The following IMMP2L variants were observed in gnomAD, a reference collection of about 807,000 sequenced individuals.
The protein encoded by IMMP2L is mitochondrial inner membrane protease subunit 2.
A neutral mutation model predicts 19.3 loss-of-function variants in IMMP2L; 18 were observed. The ratio of observed to expected loss-of-function variants is 0.93; its 90% CI spans 0.64 to 1.38. IMMP2L has a LOEUF of 1.38. IMMP2L is among the 40% of genes most tolerant of loss of function. The pLI is 0.00. For missense variants in IMMP2L, 233 were observed against 218.2 expected (o/e 1.07, Z -0.43); for synonymous variants, 76 against 73.0 (o/e 1.04, Z -0.21).
chr7:110,729,003 G>A (rs1160457722), intron 5 of IMMP2L, among the ~76,000 whole-genome samples: 1 of 152,134 alleles, frequency 6.6e-6, no homozygotes, highest in Non-Finnish European at 1.5e-5. Flanking sequence ...AGATTCTCCA[G>A]CCTCAGCCCC....
intron 3 of IMMP2L, among the ~76,000 whole-genome samples, chr7:111,242,090 AG>A (rs1247277715): frequency 6.6e-6 from 1 of 152,054 alleles, no homozygotes; most frequent in African/African-American, 2.4e-5. Context: ...TTTTTAATGA[AG>A]GTTAAAATGA....
chr7:111,137,090 G>A (rs1270641705), intron 3 of IMMP2L, among the ~76,000 whole-genome samples: 2 of 152,050 alleles, frequency 1.3e-5, no homozygotes, highest in Non-Finnish European at 1.5e-5. Context: ...AGAGGCTAAC[G>A]ATATATAGTC....
rs1351752529 is a variant in IMMP2L, at chr7:110,940,211, T to TAA, written c.305+23288_305+23289insTT. Among the ~76,000 whole-genome samples, 5 of 151,138 alleles carry TAA rather than the reference T, an allele frequency of 3.3e-5. No homozygotes were observed. In the East Asian group the frequency reaches 9.7e-4, roughly 29 times the overall value. On this transcript the variant is annotated intron_variant, in intron 4 of 5. Transcript: ENST00000405709. ...GCAGGTGCCTGTAATCCTAGCTTAT[T>TAA]GGGAGGGTGAGGCAGGAGAATTGCT...
intron 5 of IMMP2L, among the ~76,000 whole-genome samples, chr7:110,807,090 T>C (rs1353241801): frequency 1.3e-5 from 2 of 152,008 alleles, no homozygotes; most frequent in African/African-American, 4.8e-5. Context: ...TTTAAGAGAC[T>C]TGTTCTGGCT....
intron 3 of IMMP2L, among the ~76,000 whole-genome samples, chr7:110,977,676 C>T (rs551564900): frequency 1.1e-4 from 17 of 151,822 alleles, no homozygotes; most frequent in African/African-American, 4.1e-4. Flanking sequence ...TCTTTCCTTC[C>T]CTCCCTCCCT....
chr7:110,676,456 T>C (rs1248770902), intron 5 of IMMP2L, among the ~76,000 whole-genome samples: 5 of 152,266 alleles, frequency 3.3e-5, no homozygotes, highest in Non-Finnish European at 5.9e-5. Flanking sequence ...ATGTCTCTGA[T>C]TGGACAGGCA....
intron 3 of IMMP2L, among the ~76,000 whole-genome samples, chr7:111,134,352 A>C (rs1435027489): frequency 6.6e-6 from 1 of 151,984 alleles, no homozygotes; most frequent in Non-Finnish European, 1.5e-5. Context: ...CAAAACTTAA[A>C]GAAAGAGTAT....
chr7:111,114,489 G>A (rs571349935), intron 3 of IMMP2L, among the ~76,000 whole-genome samples: 1 of 152,256 alleles, frequency 6.6e-6, no homozygotes, highest in South Asian at 2.1e-4. Flanking sequence ...TGTAATCCCA[G>A]CACTTTGTGA....
chr7:111,084,918 T>C (rs762495472), intron 3 of IMMP2L, among the ~76,000 whole-genome samples: 2 of 152,296 alleles, frequency 1.3e-5, no homozygotes, highest in Non-Finnish European at 1.5e-5. Flanking sequence ...GGGATGATTG[T>C]TGTTATTATA....
At chr7:110,818,410 T>C (rs1251603378) in intron 5 of IMMP2L, among the ~76,000 whole-genome samples, 1 of 152,018 alleles carries the variant, frequency 6.6e-6, no homozygotes, top group East Asian at 1.9e-4. Flanking sequence ...AAAACCACAA[T>C]GAGATACCAT....
chr7:111,236,928 T>C (rs1562956594), intron 3 of IMMP2L, among the ~76,000 whole-genome samples: 1 of 152,180 alleles, frequency 6.6e-6, no homozygotes, highest in Non-Finnish European at 1.5e-5. Context: ...TTTTTGTTTG[T>C]TTCTGGTAGG....
intron 5 of IMMP2L, among the ~76,000 whole-genome samples, chr7:110,861,122 AGAG>A (rs1807369669): frequency 6.8e-6 from 1 of 146,548 alleles, no homozygotes; most frequent in African/African-American, 2.5e-5. Context: ...AGAGAGAGAG[AGAG>A]AGAGACAGAG....
chr7:111,254,277 G>A (rs1226344076), intron 3 of IMMP2L, among the ~76,000 whole-genome samples: 3 of 152,018 alleles, frequency 2.0e-5, no homozygotes, highest in Admixed American at 2.0e-4. Flanking sequence ...AAAGTAAAAT[G>A]AATGATCCTA....
intron 3 of IMMP2L, among the ~76,000 whole-genome samples, chr7:111,051,599 G>A (rs1793013212): frequency 6.6e-6 from 1 of 151,950 alleles, no homozygotes; most frequent in Admixed American, 6.6e-5. Flanking sequence ...AAATCTCCTG[G>A]GGAAAAATAT....
intron 4 of IMMP2L, among the ~76,000 whole-genome samples, chr7:110,957,311 C>T (rs1057289647): frequency 2.0e-5 from 3 of 151,854 alleles, no homozygotes; most frequent in Middle Eastern, 3.4e-3. Context: ...AATAACGTAA[C>T]GTAATACAAA....
intron 3 of IMMP2L, among the ~76,000 whole-genome samples, chr7:111,478,680 C>A (rs1157404867): frequency 6.6e-6 from 1 of 152,118 alleles, no homozygotes; most frequent in Admixed American, 6.6e-5. Flanking sequence ...CCCACCTCGG[C>A]CTCCCAAAGT....
intron 3 of IMMP2L, among the ~76,000 whole-genome samples, chr7:111,446,058 G>A (rs1450861951): frequency 1.3e-5 from 2 of 151,784 alleles, no homozygotes; most frequent in Admixed American, 6.6e-5. Context: ...AGGGTCCTAC[G>A]CCCACGGAAT....
chr7:111,306,606 CTGTGTGTGTGTGTGTGTGTGTGTGTGTG>C (rs71147473), intron 3 of IMMP2L, among the ~76,000 whole-genome samples: 1 of 136,210 alleles, frequency 7.3e-6, no homozygotes, highest in East Asian at 2.2e-4. Flanking sequence ...TCACTGGACT[CTGTGTGTGTGTGTGTGTGTGTGTGTGTG>C]TGTGTGTGTG....
intron 3 of IMMP2L, among the ~76,000 whole-genome samples, chr7:111,191,253 A>C (rs1475157258): frequency 6.6e-6 from 1 of 152,112 alleles, no homozygotes; most frequent in Non-Finnish European, 1.5e-5. Flanking sequence ...CCCAAAATGC[A>C]GGTAAGAAAA....
Sources: allele counts gnomAD v4.1 joint callset (sites outside exome capture counted in the v4.1 genomes callset), GRCh38; gene constraint gnomAD v4.1.1; transcripts MANE v1.5; gene names NCBI Gene and HGNC (gene_info 2026-07-23, HGNC 2026-07-21).